ATCAY: variants seen among roughly 807,000 people sequenced by gnomAD.
ATCAY encodes caytaxin.
In ATCAY, 22 loss-of-function variants were observed where a neutral mutation model predicts 47.7. The ratio of observed to expected loss-of-function variants is 0.46; its 90% confidence interval spans 0.33 to 0.66. The LOEUF (loss-of-function observed/expected upper bound fraction) is 0.66. Among genes scored for constraint, ATCAY ranks in the 30% least tolerant of loss-of-function variants. The pLI is 0.02. For synonymous variants in ATCAY, 216 were observed against 207.6 expected (o/e 1.04, Z -0.35); for missense variants, 452 against 515.0 (o/e 0.88, Z 1.18).
chr19:3,926,255 A>T lies in ATCAY; in HGVS notation c.*1663A>T, dbSNP rs978650007. On this transcript the variant is annotated 3_prime_UTR_variant, in exon 13 of 13. Coordinates refer to ENST00000450849, the MANE Select transcript of ATCAY (RefSeq NM_033064.5). ...CAGGAGGCAGAGGTTGCAGTGATCC[A>T]AGATCATGCCACTGCACTCCAGCCT... The T allele has an allele frequency of 6.6e-6, 1 of 152,340 alleles. No individual in the cohort carries two copies. The highest frequency in any genetic ancestry group is 1.5e-5 in the Non-Finnish European group (1 of 68,174). 9.4% of individuals were successfully genotyped at this position (152,340 alleles called of 1,614,324 possible). A position where few individuals can be genotyped will look rare whatever the true frequency, so the allele number is the denominator to read the frequency against.
chr19:3,881,873 C>CG lies in ATCAY; in HGVS notation c.-42+865_-42+866insG, dbSNP rs1258850482. On this transcript the variant is annotated intron_variant, in intron 1 of 12. Transcript: ENST00000450849. ...TGGCTGGCTGCTGCCACCGCCCCCC[C>CG]CCCGACCCCATAGCATCCAGGAGGG... Among the ~76,000 whole-genome samples, 7 of 146,202 alleles carry CG rather than the reference C, an allele frequency of 4.8e-5. 1 individual carries two copies. Among genetic ancestry groups the CG allele is most frequent in the African/African-American group, 1.8e-4 (7 of 39,088 alleles).
chr19:3,886,451 T>C (rs948069734), intron 2 of ATCAY, among the ~76,000 whole-genome samples: 38 of 151,774 alleles, frequency 2.5e-4, no homozygotes, highest in African/African-American at 8.4e-4. Context: ...ATTAGCCGGG[T>C]GTGTGGCAGG....
chr19:3,907,816 C>T lies in ATCAY; in HGVS notation c.441C>T (p.Ser147=), dbSNP rs771736539. The T allele has an allele frequency of 7.1e-5, 115 of 1,613,842 alleles. No individual in the cohort carries two copies. Among genetic ancestry groups the T allele is most frequent in the African/African-American group, 4.8e-4 (36 of 74,946 alleles). ...GGGACGGCACGACGGAGGACGGCAG[C>T]GCCGCCAACGGGCGCCTGTGGCGGA... The part of the protein sequence containing the change: ...LFGDGTTEDG[S]AANGRLWRTV... Residue 147 remains serine (S), a synonymous_variant, in exon 5 of 13, where the codon AGC becomes AGT. Transcript: ENST00000450849. This position sits in a 1 kb window ranked among gnomAD's most constrained non-coding sequence, Gnocchi z 5.1.
intron 9 of ATCAY, 132 bp from the exon 10 acceptor site, chr19:3,917,610 A>ATG (rs368009492): frequency 6.0e-6 from 3 of 501,250 alleles, no homozygotes; most frequent in East Asian, 4.6e-5. Flanking sequence ...AAAAAAAAAA[A>ATG]GGAAGAAGAA....
chr19:3,885,915 G>GC (rs2145219621), intron 2 of ATCAY, 71 bp downstream of exon 2: 2 of 1,489,238 alleles, frequency 1.3e-6, no homozygotes, highest in East Asian at 4.9e-5. Context: ...CACAGGAGCG[G>GC]CCCGGGTCTC....
intron 9 of ATCAY, among the ~76,000 whole-genome samples, chr19:3,914,492 G>A (rs1231386834): frequency 6.6e-6 from 1 of 151,978 alleles, no homozygotes; most frequent in Non-Finnish European, 1.5e-5. Context: ...GGAATTATGG[G>A]AGCTACAATT....
intron 12 of ATCAY, among the ~76,000 whole-genome samples, chr19:3,923,380 C>G (rs2039036314): frequency 6.6e-6 from 1 of 151,956 alleles, no homozygotes. Flanking sequence ...ATTAAAAACA[C>G]AAAAGAAGGA....
intron 2 of ATCAY, among the ~76,000 whole-genome samples, chr19:3,891,542 A>G (rs1393688051): frequency 1.3e-5 from 2 of 151,856 alleles, no homozygotes; most frequent in East Asian, 1.9e-4. Context: ...ACTTCTGACC[A>G]GGCCAGGGAG....
chr19:3,909,547 G>A lies in ATCAY; in HGVS notation c.709G>A (p.Gly237Ser), dbSNP rs1300743591. The change falls in exon 7 of 13, where the codon GGT becomes AGT. Residue 237 changes from glycine to serine, a missense_variant. Gly to Ser is a moderately conservative substitution (Grantham distance 56). Transcript: ENST00000450849. ...GGACTACATGATCGTGTACCTGAAC[G>A]GTGCCACGCCCCGGCGGAGGATGCC... is the stretch of plus-strand genomic sequence containing the variant. ...AEDYMIVYLNGATPRRRMPGI... is the reference protein window; with the variant it reads ...AEDYMIVYLNSATPRRRMPGI... The A allele has an allele frequency of 3.1e-6, 5 of 1,613,668 alleles. No individual in the cohort carries two copies. Among genetic ancestry groups the A allele is most frequent in the South Asian group, 1.1e-5 (1 of 91,066 alleles).
chr19:3,923,492 T>C (rs1407214771), intron 12 of ATCAY, among the ~76,000 whole-genome samples: 2 of 141,376 alleles, frequency 1.4e-5, no homozygotes, highest in Non-Finnish European at 3.0e-5. Context: ...GATGGGTGGA[T>C]AGATAGATGA....
At chr19:3,899,339 A>T (rs144380984) in intron 2 of ATCAY, among the ~76,000 whole-genome samples, 1,964 of 125,282 alleles carry the variant, frequency 0.016, 57 homozygotes, top group African/African-American at 0.056. Flanking sequence ...TTTGAGAGAG[A>T]GTCTCACTTT....
intron 8 of ATCAY, 67 bp downstream of exon 8, chr19:3,910,956 T>A: frequency 6.6e-7 from 1 of 1,521,356 alleles, no homozygotes; most frequent in Non-Finnish European, 9.1e-7. Context: ...TGTGTATGCA[T>A]GCATTTGTGT....
intron 2 of ATCAY, among the ~76,000 whole-genome samples, chr19:3,889,530 G>A (rs559364631): frequency 4.5e-4 from 69 of 152,256 alleles, no homozygotes; most frequent in Non-Finnish European, 9.0e-4. Context: ...TTGGGACATC[G>A]CAGCAGTGAG....
chr19:3,887,568 G>C (rs1456085272), intron 2 of ATCAY, among the ~76,000 whole-genome samples: 5 of 151,024 alleles, frequency 3.3e-5, no homozygotes, highest in Non-Finnish European at 7.4e-5. Flanking sequence ...CTCACTGCAA[G>C]CTCCGCCTCC....
chr19:3,921,909 C>A (rs868375276), intron 12 of ATCAY, among the ~76,000 whole-genome samples: 1,530 of 143,894 alleles, frequency 0.011, 23 homozygotes, highest in East Asian at 0.051. Context: ...AAAAAAAAAA[C>A]AAAAAAACAA....
At chr19:3,896,173 A>G (rs1429635162) in intron 2 of ATCAY, among the ~76,000 whole-genome samples, 1 of 151,468 alleles carries the variant, frequency 6.6e-6, no homozygotes, top group Non-Finnish European at 1.5e-5. Context: ...CTACAGCTTC[A>G]CATTTCAGCT....
Position 3,926,551 on chromosome 19 carries a change from A to G in ATCAY, c.*1959A>G, listed in dbSNP as rs2039068312. ...CGTCCAGTGCATCTTGACCTGAGACAGCAAGGAATTGCATTTGGGGTTATT... is the reference window on the plus strand; with the variant it reads ...CGTCCAGTGCATCTTGACCTGAGACGGCAAGGAATTGCATTTGGGGTTATT... On this transcript the variant is annotated 3_prime_UTR_variant, in exon 13 of 13. Coordinates refer to ENST00000450849, the MANE Select transcript of ATCAY (RefSeq NM_033064.5). 1 of 152,256 alleles carries G rather than the reference A, an allele frequency of 6.6e-6. No homozygotes were observed. The highest frequency in any genetic ancestry group is 1.5e-5 in the Non-Finnish European group (1 of 68,052). 9.4% of individuals were successfully genotyped at this position (152,256 alleles called of 1,614,324 possible).
rs2038991383 is a variant in ATCAY, at chr19:3,918,880, A to G, written c.1073+3A>G. On this transcript the variant is annotated splice_donor_region_variant and intron_variant, in intron 11 of 12. Coordinates refer to ENST00000450849, the MANE Select transcript of ATCAY (RefSeq NM_033064.5). ...GAGGTGGCACCAGTGGAAAACAGGT[A>G]GGTGTGCAGGGGACCATGGGCAGAG... is the stretch of plus-strand genomic sequence containing the variant. The G allele has an allele frequency of 6.2e-7, 1 of 1,613,972 alleles. No homozygotes were observed. The highest frequency in any genetic ancestry group is 8.5e-7 in the Non-Finnish European group (1 of 1,179,840).
chr19:3,890,451 C>T (rs533515723), intron 2 of ATCAY, among the ~76,000 whole-genome samples: 10 of 151,250 alleles, frequency 6.6e-5, no homozygotes, highest in African/African-American at 1.7e-4. Flanking sequence ...TTGGTAGAGA[C>T]GGGGTTTCAC....
Sources: gnomAD v4.1 joint callset for allele counts (sites outside exome capture counted in the v4.1 genomes callset) on GRCh38, gnomAD v4.1.1 for gene constraint, Gnocchi (gnomAD v3.1) non-coding constraint, MANE v1.5 for transcripts, NCBI Gene and HGNC (gene_info 2026-07-23, HGNC 2026-07-21) for gene names.